MAU2: variants seen among roughly 807,000 people sequenced by gnomAD.
MAU2 encodes MAU2 sister chromatid cohesion factor, also known as MAU2 chromatid cohesion factor homolog.
Under a neutral mutation model 89.1 loss-of-function variants are expected in MAU2, and 9 were observed. The observed-to-expected ratio is 0.10, with a 90% CI of 0.06 to 0.18. The LOEUF is 0.18. Ranked by LOEUF, MAU2 falls within the 10% of genes least tolerant of loss-of-function variation. The pLI is 1.00. For synonymous variants in MAU2, 357 were observed against 343.4 expected, an observed-to-expected ratio of 1.04 and a Z score of -0.44; for missense variants, 425 against 803.5, an observed-to-expected ratio of 0.53 and a Z score of 5.69.
intron 12 of MAU2, chr19:19,346,775 C>T (rs1468800412): frequency 1.3e-5 from 2 of 155,122 alleles, no homozygotes; most frequent in African/African-American, 4.8e-5. Flanking sequence ...CACCTGTCAT[C>T]AGCAGCATTT....
At chr19:19,343,213 G>T (rs1379889895) in intron 9 of MAU2, among the ~76,000 whole-genome samples, 1 of 152,222 alleles carries the variant, frequency 6.6e-6, no homozygotes, top group Admixed American at 6.5e-5. Flanking sequence ...CCACCAGCAT[G>T]TCCTTTGGAG....
At position 19,335,746 on chromosome 19, in the gene MAU2, C is replaced by A. The variant is rs545544562; in HGVS notation, c.294+11C>A. The A allele has an allele frequency of 1.1e-4, 171 of 1,613,744 alleles. No individual in the cohort carries two copies. The highest frequency in any genetic ancestry group is 1.4e-4 in the Non-Finnish European group (164 of 1,179,650). ...TTGATATCACAGCAAGTATCCTTTC[C>A]GTGTTGGTATGGTTCCCTTTAAGGA... On this transcript the variant is annotated intron_variant, in intron 2 of 18. Transcript: ENST00000262815.
chr19:19,348,448 G>C, intron 13 of MAU2: 2 of 274,888 alleles, frequency 7.3e-6, no homozygotes, highest in Non-Finnish European at 1.4e-5. Flanking sequence ...TGGCTCCCCT[G>C]TGCCTCTGCA....
chr19:19,337,053 G>A, intron 3 of MAU2, 117 bp from the exon 4 acceptor site: 1 of 718,550 alleles, frequency 1.4e-6, no homozygotes, highest in Non-Finnish European at 2.4e-6. Context: ...AAAATCCTTT[G>A]GTAAGCATGA....
intron 5 of MAU2, 108 bp from the exon 6 acceptor site, chr19:19,340,738 C>A: frequency 9.4e-7 from 1 of 1,068,096 alleles, no homozygotes; most frequent in Non-Finnish European, 1.4e-6. Context: ...GTCCACTGAA[C>A]TGTCCCCTGA....
intron 17 of MAU2, chr19:19,354,742 G>A (rs1423624100): frequency 1.5e-5 from 7 of 459,866 alleles, no homozygotes; most frequent in East Asian, 7.7e-5. Context: ...GCTTCTTCCC[G>A]GAAAGGCAGA....
chr19:19,327,165 A>G (rs1293439076), intron 1 of MAU2, among the ~76,000 whole-genome samples: 1 of 137,686 alleles, frequency 7.3e-6, no homozygotes, highest in Non-Finnish European at 1.5e-5. Context: ...TCTGTTGCCC[A>G]GGCTGGAGTG....
intron 1 of MAU2, among the ~76,000 whole-genome samples, chr19:19,327,654 A>G (rs1194537564): frequency 2.0e-5 from 3 of 151,170 alleles, no homozygotes; most frequent in African/African-American, 7.3e-5. Context: ...GGGTTTCACT[A>G]TGTTGGCCAC....
At position 19,355,405 on chromosome 19, in the gene MAU2, TG is replaced by T. The variant is rs751417056; in HGVS notation, c.1767+15del. 3 of 1,613,470 alleles carry T rather than the reference TG, an allele frequency of 1.9e-6. No homozygotes were observed. The Admixed American group carries it at 5.0e-5, about 27-fold the overall frequency. On this transcript the variant is annotated intron_variant, in intron 18 of 18. Coordinates refer to ENST00000262815, the MANE Select transcript of MAU2 (RefSeq NM_015329.4). ...AACCTCATCACGGTACGGGTGTGGG[TG>T]TTAGGGGACGGGATCAGGACTAGCG...
At chr19:19,331,242 G>A (rs2146665171) in intron 1 of MAU2, among the ~76,000 whole-genome samples, 1 of 152,028 alleles carries the variant, frequency 6.6e-6, no homozygotes. Flanking sequence ...GCTCACACCT[G>A]TAATCCCAGC....
At chr19:19,347,511 C>G (rs2061703257) in intron 13 of MAU2, 145 bp downstream of exon 13, 3 of 637,226 alleles carry the variant, frequency 4.7e-6, no homozygotes, top group Non-Finnish European at 8.5e-6. Flanking sequence ...GACACAGACA[C>G]ACAAGGCGAC....
At chr19:19,347,646 A>T in intron 13 of MAU2, 1 of 327,726 alleles carries the variant, frequency 3.1e-6, no homozygotes, top group Non-Finnish European at 5.7e-6. Context: ...ACAAGGTCTT[A>T]TAGCCCAAGC....
chr19:19,345,200 A>C lies in MAU2; in HGVS notation c.1156-104A>C. ...CAGCTGGCTCGGTAGAGCCATTGTC[A>C]TACTCCTCCAGGGCAGCCGTGCAGG... On this transcript the variant is annotated intron_variant, in intron 11 of 18. Coordinates refer to ENST00000262815, the MANE Select transcript of MAU2 (RefSeq NM_015329.4). This position sits in a 1 kb window ranked among gnomAD's most constrained non-coding sequence, Gnocchi z 4.9. The C allele has an allele frequency of 9.8e-7, 1 of 1,024,912 alleles. No individual in the cohort carries two copies. The highest frequency in any genetic ancestry group is 1.5e-6 in the Non-Finnish European group (1 of 657,490). The allele number at this position is 1,024,912 out of a possible 1,614,324, so 63.5% of individuals were successfully genotyped here.
intron 1 of MAU2, chr19:19,329,022 G>C (rs1045200394): frequency 6.6e-6 from 3 of 455,910 alleles, no homozygotes; most frequent in Non-Finnish European, 1.3e-5. Flanking sequence ...TCCAGACTGT[G>C]CTGGTCAGAT....
chr19:19,326,602 C>T (rs1284033957), intron 1 of MAU2, among the ~76,000 whole-genome samples: 4 of 150,400 alleles, frequency 2.7e-5, no homozygotes, highest in South Asian at 4.2e-4. Flanking sequence ...AGGAGAATGG[C>T]GTGAACCCGG....
intron 10 of MAU2, 65 bp from the exon 11 acceptor site, chr19:19,344,783 CA>C: frequency 7.4e-7 from 1 of 1,346,818 alleles, no homozygotes; most frequent in Admixed American, 1.8e-5. Context: ...GGGGTCTCTC[CA>C]TTGCTGCTCA....
At chr19:19,347,699 AAG>A (rs757289497) in intron 13 of MAU2, 1 of 208,988 alleles carries the variant, frequency 4.8e-6, no homozygotes, top group Non-Finnish European at 9.6e-6. Context: ...GCTCAGTCCT[AAG>A]GGGCAGCAGC....
At chr19:19,330,246 C>T (rs1361852911) in intron 1 of MAU2, among the ~76,000 whole-genome samples, 1 of 151,578 alleles carries the variant, frequency 6.6e-6, no homozygotes, top group East Asian at 2.0e-4. Context: ...TCCCAAAGTG[C>T]CAGGATTACA....
intron 1 of MAU2, 57 bp from the exon 2 acceptor site, chr19:19,335,661 G>C: frequency 6.3e-7 from 1 of 1,596,268 alleles, no homozygotes; most frequent in South Asian, 1.1e-5. Context: ...GAGCGAGCCA[G>C]TAACCAGGTG....
Sources: gnomAD v4.1 joint callset for allele counts (sites outside exome capture counted in the v4.1 genomes callset) on GRCh38, gnomAD v4.1.1 for gene constraint, Gnocchi (gnomAD v3.1) non-coding constraint, MANE v1.5 for transcripts, NCBI Gene and HGNC (gene_info 2026-07-23, HGNC 2026-07-21) for gene names.